Variants in GLIS1 observed in about 807,000 individuals in gnomAD.
The protein encoded by GLIS1 is zinc finger protein GLIS1.
In GLIS1, 24 loss-of-function variants were observed where a neutral mutation model predicts 63.8. The ratio of observed to expected loss-of-function variants is 0.38; its 90% confidence interval spans 0.27 to 0.53. GLIS1 has a LOEUF of 0.53. Among genes scored for constraint, GLIS1 ranks in the 20% least tolerant of loss-of-function variants. The pLI, the probability that GLIS1 is intolerant of heterozygous loss-of-function variation, is 0.85. For synonymous variants in GLIS1, 450 were observed against 482.5 expected, an observed-to-expected ratio of 0.93 and a Z score of 0.88; for missense variants, 1,036 against 1,074.1, an observed-to-expected ratio of 0.96 and a Z score of 0.50.
At chr1:53,576,485 T>C (rs1645033163) in intron 4 of GLIS1, among the ~76,000 whole-genome samples, 2 of 152,174 alleles carry the variant, frequency 1.3e-5, no homozygotes. Flanking sequence ...TGAGCACAGC[T>C]GCCTCTTCTT....
chr1:53,550,159 A>G (rs12081852), intron 4 of GLIS1, among the ~76,000 whole-genome samples: 16 of 152,062 alleles, frequency 1.1e-4, no homozygotes, highest in African/African-American at 3.6e-4. Flanking sequence ...ACAGGCATGC[A>G]TGCTCAAATT....
intron 2 of GLIS1, among the ~76,000 whole-genome samples, chr1:53,725,577 A>G (rs1035373385): frequency 4.6e-5 from 7 of 152,228 alleles, no homozygotes; most frequent in Admixed American, 1.3e-4. Context: ...TGAAGGGGGA[A>G]CCTGCAAACA....
intron 4 of GLIS1, among the ~76,000 whole-genome samples, chr1:53,544,335 G>A (rs1472954205): frequency 6.6e-6 from 1 of 152,110 alleles, no homozygotes; most frequent in African/African-American, 2.4e-5. Flanking sequence ...TGGGAGAAGG[G>A]GAAGGTTGGG....
chr1:53,517,292 G>A (rs1163823466), intron 7 of GLIS1, among the ~76,000 whole-genome samples: 4 of 152,190 alleles, frequency 2.6e-5, no homozygotes, highest in East Asian at 1.9e-4. Context: ...CTGGGCCACC[G>A]TCCTTACCGC....
At chr1:53,640,798 C>T (rs771299093) in intron 2 of GLIS1, among the ~76,000 whole-genome samples, 12 of 152,216 alleles carry the variant, frequency 7.9e-5, no homozygotes, top group Non-Finnish European at 1.5e-4. Flanking sequence ...GCCACTCCCT[C>T]CCCTACCCCA....
At chr1:53,550,294 A>C (rs1326094331) in intron 4 of GLIS1, among the ~76,000 whole-genome samples, 1 of 152,172 alleles carries the variant, frequency 6.6e-6, no homozygotes, top group Non-Finnish European at 1.5e-5. Context: ...CTCAGCCCCC[A>C]TTAACACATT....
intron 1 of GLIS1, among the ~76,000 whole-genome samples, chr1:53,738,864 G>T (rs987628689): frequency 6.6e-6 from 1 of 152,154 alleles, no homozygotes; most frequent in South Asian, 2.1e-4. Context: ...ACTGCCGCTG[G>T]TCAGACGCTC....
chr1:53,589,264 C>A (rs886212667), intron 4 of GLIS1, among the ~76,000 whole-genome samples: 2 of 152,162 alleles, frequency 1.3e-5, no homozygotes, highest in African/African-American at 4.8e-5. Context: ...TACCACCATG[C>A]CCAGCTAGGA....
chr1:53,606,487 C>T (rs1293991250), intron 2 of GLIS1, among the ~76,000 whole-genome samples: 13 of 152,204 alleles, frequency 8.5e-5, no homozygotes, highest in African/African-American at 2.9e-4. Context: ...AGGTCCAGGG[C>T]GGGTGAGCAG....
At chr1:53,663,786 G>T (rs1246449056) in intron 2 of GLIS1, among the ~76,000 whole-genome samples, 1 of 152,244 alleles carries the variant, frequency 6.6e-6, no homozygotes, top group South Asian at 2.1e-4. Flanking sequence ...ACGTTCCAAG[G>T]CTGAGCCACG....
intron 9 of GLIS1, 54 bp downstream of exon 9, chr1:53,509,795 T>A: frequency 9.1e-7 from 1 of 1,093,052 alleles, no homozygotes; most frequent in Non-Finnish European, 1.2e-6. Flanking sequence ...TCCTCTGGGG[T>A]CCCTAAGTGG....
At chr1:53,644,909 G>A (rs1197258610) in intron 2 of GLIS1, among the ~76,000 whole-genome samples, 1 of 152,168 alleles carries the variant, frequency 6.6e-6, no homozygotes, top group Non-Finnish European at 1.5e-5. Flanking sequence ...AAAGCAGACT[G>A]TCTCGCTTAT....
intron 4 of GLIS1, among the ~76,000 whole-genome samples, chr1:53,549,422 C>G (rs1315331648): frequency 6.6e-6 from 1 of 152,234 alleles, no homozygotes; most frequent in African/African-American, 2.4e-5. Flanking sequence ...CTTTCTCCAC[C>G]TCCTTGTCAA....
intron 2 of GLIS1, among the ~76,000 whole-genome samples, chr1:53,645,181 A>C (rs984378062): frequency 6.6e-6 from 1 of 152,136 alleles, no homozygotes; most frequent in Non-Finnish European, 1.5e-5. Flanking sequence ...TCTCCCCCCC[A>C]GACATCTGCA....
intron 4 of GLIS1, among the ~76,000 whole-genome samples, chr1:53,567,299 A>G (rs1569840885): frequency 6.6e-6 from 1 of 152,222 alleles, no homozygotes; most frequent in East Asian, 1.9e-4. Context: ...GCATTTGGTG[A>G]AAGAAATTTC....
chr1:53,568,143 T>A (rs558079280), intron 4 of GLIS1, among the ~76,000 whole-genome samples: 1 of 152,342 alleles, frequency 6.6e-6, no homozygotes, highest in East Asian at 1.9e-4. Flanking sequence ...GGGATGGAGT[T>A]GCTTGAGGCC....
At chr1:53,604,054 CCT>C (rs1314186672) in intron 2 of GLIS1, among the ~76,000 whole-genome samples, 3 of 152,210 alleles carry the variant, frequency 2.0e-5, no homozygotes, top group African/African-American at 7.2e-5. Context: ...GGTGCTAACA[CCT>C]AACCCACAAC....
chr1:53,577,136 C>G (rs368015643), intron 4 of GLIS1, among the ~76,000 whole-genome samples: 15 of 151,714 alleles, frequency 9.9e-5, no homozygotes, highest in African/African-American at 1.5e-4. Context: ...AGCCTCCCCC[C>G]CCTCCATGCT....
chr1:53,691,867 A>G (rs1207317939), intron 2 of GLIS1, among the ~76,000 whole-genome samples: 1 of 151,792 alleles, frequency 6.6e-6, no homozygotes, highest in Non-Finnish European at 1.5e-5. Flanking sequence ...AGTTAAACCA[A>G]CTCCGCCCCA....
Sources: gnomAD v4.1 joint callset for allele counts (sites outside exome capture counted in the v4.1 genomes callset) on GRCh38, gnomAD v4.1.1 for gene constraint, MANE v1.5 for transcripts, NCBI Gene and HGNC (gene_info 2026-07-23, HGNC 2026-07-21) for gene names.